RBPJ: variants seen among roughly 807,000 people sequenced by gnomAD.
RBPJ encodes the protein recombining binding protein suppressor of hairless.
Under a neutral mutation model 67.8 loss-of-function variants are expected in RBPJ, and 9 were observed. The ratio of observed to expected loss-of-function variants is 0.13; its 90% CI spans 0.08 to 0.23. The LOEUF (loss-of-function observed/expected upper bound fraction) is 0.23, where lower values mean the gene tolerates loss of function less well. RBPJ is among the 10% of genes least tolerant of loss of function. The pLI, the probability that RBPJ is intolerant of heterozygous loss-of-function variation, is 1.00. For missense variants in RBPJ, 305 were observed against 595.6 expected (o/e 0.51, Z 5.08); for synonymous variants, 198 against 203.3 (o/e 0.97, Z 0.22).
upstream of RBPJ, chr4:26,319,940 G>C: frequency 2.0e-6 from 3 of 1,520,284 alleles, no homozygotes; most frequent in Non-Finnish European, 2.7e-6. Flanking sequence ...TCCATGCCCG[G>C]TGGGGCCAGG....
In RBPJ at chr4:26,264,020, G is replaced by A. The variant is rs369578035; in HGVS notation, c.-166-98426G>A. Among the ~76,000 whole-genome samples, 157 of 152,172 alleles carry A rather than the reference G, an allele frequency of 1.0e-3. No individual in the cohort carries two copies. The highest frequency in any genetic ancestry group is 3.5e-3 in the African/African-American group (146 of 41,528). On this transcript the variant is annotated intron_variant, in intron 1 of 4. Coordinates refer to the RBPJ transcript ENST00000512351. This position sits in a 1 kb window ranked among gnomAD's most constrained non-coding sequence, Gnocchi z 4.1. ...CTCCTGAGTAGCTGGGACTACAGAC[G>A]TGTGCCACCACGTCCTGCTAATCTT...
At chr4:26,394,199 T>C (rs1433155726) in intron 2 of RBPJ, among the ~76,000 whole-genome samples, 1 of 152,126 alleles carries the variant, frequency 6.6e-6, no homozygotes, top group Non-Finnish European at 1.5e-5. Flanking sequence ...GCTAATTTTT[T>C]TGTATTTTTA....
At chr4:26,186,819 A>G (rs1717281542) in intron 1 of RBPJ, among the ~76,000 whole-genome samples, 1 of 152,246 alleles carries the variant, frequency 6.6e-6, no homozygotes, top group Non-Finnish European at 1.5e-5. Context: ...TCAATGTGTT[A>G]TACCAACTTA....
chr4:26,133,372 A>C, the RBPJ span, among the ~76,000 whole-genome samples: 1 of 152,184 alleles, frequency 6.6e-6, no homozygotes, highest in Non-Finnish European at 1.5e-5. Context: ...TCAGGAGCTC[A>C]AGACCAGCCT....
chr4:26,165,841 T>A (rs1037504798), intron 1 of RBPJ, among the ~76,000 whole-genome samples: 6 of 150,966 alleles, frequency 4.0e-5, no homozygotes, highest in Admixed American at 6.6e-5. Flanking sequence ...GCATTAGGTA[T>A]GTCTCCTAAT....
intron 1 of RBPJ, among the ~76,000 whole-genome samples, chr4:26,212,411 C>T (rs547333215): frequency 6.8e-6 from 1 of 147,340 alleles, no homozygotes; most frequent in Non-Finnish European, 1.5e-5. Flanking sequence ...CTCATCTTCT[C>T]CTGCCTTTTT....
At chr4:26,115,130 A>AC in the RBPJ span, among the ~76,000 whole-genome samples, 2 of 152,198 alleles carry the variant, frequency 1.3e-5, no homozygotes, top group African/African-American at 4.8e-5. Context: ...ACTATAAATC[A>AC]AGGTTTTCAT....
chr4:26,189,555 G>A (rs538264703), intron 1 of RBPJ, among the ~76,000 whole-genome samples: 1 of 152,234 alleles, frequency 6.6e-6, no homozygotes, highest in African/African-American at 2.4e-5. Flanking sequence ...CTACTTGAGA[G>A]GCTGAGGCAG....
chr4:26,415,585 T>C lies in RBPJ; in HGVS notation c.266T>C (p.Phe89Ser). 1 of 1,611,784 alleles carries C rather than the reference T, an allele frequency of 6.2e-7. No individual in the cohort carries two copies. The highest frequency in any genetic ancestry group is 8.5e-7 in the Non-Finnish European group (1 of 1,179,312). Reference sequence around the variant, plus strand: ...GAACAAGAGTCTCAACCGTGTGCATTTATTGGGATAGGAAATAGTGACCAA... The same window carrying C: ...GAACAAGAGTCTCAACCGTGTGCATCTATTGGGATAGGAAATAGTGACCAA... ...CSEQESQPCAFIGIGNSDQEM... is the reference protein window; with the variant it reads ...CSEQESQPCASIGIGNSDQEM... Residue 89 changes from phenylalanine (F) to serine (S), a missense_variant, in exon 4 of 11, where the codon TTT becomes TCT. Around this residue, in one of 7 missense-constraint regions of RBPJ, gnomAD observed 79 missense variants for 106.2 expected, o/e 0.74. Coordinates refer to ENST00000355476, the MANE Select transcript of RBPJ (RefSeq NM_015874.6).
Position 26,406,236 on chromosome 4 carries a change from A to G in RBPJ, c.121A>G (p.Lys41Glu). 6.2e-7 allele frequency: 1 copy of G among 1,612,038 alleles called. No homozygotes were observed. The highest frequency in any genetic ancestry group is 8.5e-7 in the Non-Finnish European group (1 of 1,178,744). The change falls in exon 3 of 11, where the codon AAA (lysine) becomes GAA (glutamate). Residue 41 changes from lysine (K) to glutamate (E), a missense_variant. Lys to Glu is a moderately conservative substitution (Grantham distance 56). Coordinates refer to ENST00000355476, the MANE Select transcript of RBPJ (RefSeq NM_015874.6). Reference protein sequence around the residue: ...GDQTVLILHAKVAQKSYGNEK... With the variant: ...GDQTVLILHAEVAQKSYGNEK... ...TCAAACAGTACTTATTCTTCATGCA[A>G]AAGTTGCACAGAAGTCATATGGAAA...
intron 1 of RBPJ, among the ~76,000 whole-genome samples, chr4:26,240,764 G>A (rs1418588186): frequency 1.3e-5 from 2 of 152,120 alleles, no homozygotes; most frequent in Non-Finnish European, 2.9e-5. Flanking sequence ...CAGAAGATGT[G>A]AAAAGGTTTT....
intron 4 of RBPJ, among the ~76,000 whole-genome samples, chr4:26,418,370 G>C (rs1179819092): frequency 6.6e-6 from 1 of 152,150 alleles, no homozygotes; most frequent in Non-Finnish European, 1.5e-5. Flanking sequence ...AATGGAATTT[G>C]AGTAGTTTGT....
the RBPJ span, among the ~76,000 whole-genome samples, chr4:26,136,314 C>T: frequency 2.6e-5 from 4 of 152,314 alleles, no homozygotes; most frequent in South Asian, 8.3e-4. Context: ...GCTCCCCAGC[C>T]CTCCTCTCCC....
chr4:26,308,144 C>A (rs1247136375), intron 1 of RBPJ, among the ~76,000 whole-genome samples: 2 of 152,064 alleles, frequency 1.3e-5, no homozygotes, highest in African/African-American at 4.8e-5. Flanking sequence ...GGCGTGGTGG[C>A]GGGCGCCTGT....
At chr4:26,184,075 T>C (rs1193674532) in intron 1 of RBPJ, among the ~76,000 whole-genome samples, 3 of 145,998 alleles carry the variant, frequency 2.1e-5, no homozygotes, top group Non-Finnish European at 4.5e-5. Context: ...CCAACTACTC[T>C]TGAGGCTGAG....
chr4:26,260,250 A>C (rs1326848216), intron 1 of RBPJ, among the ~76,000 whole-genome samples: 3 of 152,232 alleles, frequency 2.0e-5, no homozygotes, highest in African/African-American at 7.2e-5. Context: ...TGTCTAATAC[A>C]AATACATATC....
chr4:26,294,445 A>G (rs755769722), intron 1 of RBPJ, among the ~76,000 whole-genome samples: 7 of 152,196 alleles, frequency 4.6e-5, no homozygotes, highest in Non-Finnish European at 8.8e-5. Flanking sequence ...CATTTTTAAA[A>G]GTACTCCAGA....
chr4:26,288,673 T>C (rs1045742526), intron 1 of RBPJ, among the ~76,000 whole-genome samples: 1 of 152,232 alleles, frequency 6.6e-6, no homozygotes, highest in Admixed American at 6.5e-5. Flanking sequence ...ACGTATTCTT[T>C]AAACTAGAGT....
the RBPJ span, among the ~76,000 whole-genome samples, chr4:26,146,186 A>G: frequency 2.0e-4 from 30 of 152,308 alleles, no homozygotes; most frequent in South Asian, 6.0e-3. Flanking sequence ...CCTTCAAGCA[A>G]TCCTTCCACT....
Sources: allele counts gnomAD v4.1 joint callset (sites outside exome capture counted in the v4.1 genomes callset), GRCh38; gene constraint gnomAD v4.1.1; regional missense constraint gnomAD v4.1.1; non-coding constraint Gnocchi (gnomAD v3.1); transcripts MANE v1.5; gene names NCBI Gene and HGNC (gene_info 2026-07-23, HGNC 2026-07-21).